Variants in PRKN observed in about 807,000 individuals in gnomAD.
PRKN encodes the protein parkin RBR E3 ubiquitin protein ligase.
PRKN carries 56 observed loss-of-function variants against 59.5 expected under a neutral mutation model. The ratio of observed to expected loss-of-function variants is 0.94; its 90% confidence interval spans 0.76 to 1.18. The LOEUF is 1.18. Among genes scored for constraint, PRKN ranks in the 50% most tolerant of loss-of-function variants. PRKN has a pLI of 0.00. For missense variants in PRKN, 657 were observed against 596.4 expected, an observed-to-expected ratio of 1.10 and a Z score of -1.06; for synonymous variants, 250 against 222.1, an observed-to-expected ratio of 1.13 and a Z score of -1.12.
chr6:161,565,628 T>C (rs1053663983), intron 8 of PRKN, among the ~76,000 whole-genome samples: 5 of 152,186 alleles, frequency 3.3e-5, no homozygotes, highest in Non-Finnish European at 7.3e-5. Flanking sequence ...CCTTCCGTCA[T>C]GATTGTAAGT....
chr6:162,204,335 A>T (rs1219451988), intron 3 of PRKN, among the ~76,000 whole-genome samples: 3 of 152,148 alleles, frequency 2.0e-5, no homozygotes, highest in African/African-American at 4.8e-5. Context: ...CCCTGACCAT[A>T]CCCCTTCTCA....
rs949987004 is a variant in PRKN, at chr6:161,527,333, G to A, written c.1083+21521C>T. Among the ~76,000 whole-genome samples the A allele has an allele frequency of 7.9e-5, 12 of 152,142 alleles. No individual in the cohort carries two copies. Among genetic ancestry groups the A allele is most frequent in the East Asian group, 1.9e-4 (1 of 5,186 alleles). The stretch of plus-strand genomic sequence containing the variant: ...GGGGTGAAGTGTCTTGAGCCCCAAC[G>A]GCATCAAGTATGAACTTGGAGCCAG... On this transcript the variant is annotated intron_variant, in intron 9 of 11. Transcript: ENST00000366898. The surrounding 1 kb of genome is among the most constrained non-coding windows in gnomAD (Gnocchi z 4.6).
At chr6:161,674,350 T>G (rs1019413462) in intron 7 of PRKN, among the ~76,000 whole-genome samples, 4 of 152,132 alleles carry the variant, frequency 2.6e-5, no homozygotes, top group African/African-American at 9.7e-5. Context: ...TAAATTGCTC[T>G]GTAAATTTTA....
At chr6:162,686,621 A>C (rs1418795638) in intron 1 of PRKN, among the ~76,000 whole-genome samples, 2 of 152,198 alleles carry the variant, frequency 1.3e-5, no homozygotes, top group Non-Finnish European at 2.9e-5. Flanking sequence ...TATATTTAAA[A>C]GGTAGCCTAG....
chr6:161,411,200 T>C (rs904291953), intron 9 of PRKN, among the ~76,000 whole-genome samples: 2 of 152,058 alleles, frequency 1.3e-5, no homozygotes, highest in African/African-American at 2.4e-5. Flanking sequence ...AAATCTCACA[T>C]TGAATTATAG....
chr6:162,654,372 AT>A (rs1456186149), intron 1 of PRKN, among the ~76,000 whole-genome samples: 2 of 152,200 alleles, frequency 1.3e-5, no homozygotes, highest in Non-Finnish European at 2.9e-5. Flanking sequence ...AGATTAAGTT[AT>A]TTGCATAAAA....
At chr6:162,247,152 C>G (rs2128094022) in intron 3 of PRKN, among the ~76,000 whole-genome samples, 1 of 152,230 alleles carries the variant, frequency 6.6e-6, no homozygotes, top group Admixed American at 6.5e-5. Flanking sequence ...GTTTGACACA[C>G]AGCTCTCCTA....
chr6:162,629,450 T>C (rs542380496), intron 1 of PRKN, among the ~76,000 whole-genome samples: 1 of 152,278 alleles, frequency 6.6e-6, no homozygotes, highest in Non-Finnish European at 1.5e-5. Flanking sequence ...ATTTTTGTTT[T>C]AACTATGTAC....
intron 2 of PRKN, among the ~76,000 whole-genome samples, chr6:162,324,469 C>T (rs1207754475): frequency 2.6e-5 from 4 of 151,914 alleles, no homozygotes; most frequent in Non-Finnish European, 5.9e-5. Context: ...AAAAGAAACC[C>T]AAATTAACCC....
intron 2 of PRKN, among the ~76,000 whole-genome samples, chr6:162,381,922 T>C (rs1786507623): frequency 6.6e-6 from 1 of 152,104 alleles, no homozygotes; most frequent in African/African-American, 2.4e-5. Context: ...AGTAGAATTG[T>C]TTTTCTTTTT....
intron 4 of PRKN, among the ~76,000 whole-genome samples, chr6:162,093,123 ATAGGGC>A (rs1396723442): frequency 6.6e-6 from 1 of 152,210 alleles, no homozygotes; most frequent in Non-Finnish European, 1.5e-5. Flanking sequence ...AGGCCTACAG[ATAGGGC>A]TATCACAGTA....
chr6:161,912,005 C>A (rs529392769), intron 6 of PRKN, among the ~76,000 whole-genome samples: 1 of 151,992 alleles, frequency 6.6e-6, no homozygotes, highest in East Asian at 1.9e-4. Flanking sequence ...TGGTGAAACA[C>A]CGTCTCTACT....
chr6:161,427,812 C>T (rs1053826413), intron 9 of PRKN, among the ~76,000 whole-genome samples: 19 of 152,144 alleles, frequency 1.2e-4, no homozygotes, highest in African/African-American at 4.1e-4. Flanking sequence ...ATGAATCCCA[C>T]GTTTCACTTG....
At chr6:161,706,805 G>A (rs924927024) in intron 7 of PRKN, among the ~76,000 whole-genome samples, 3 of 152,242 alleles carry the variant, frequency 2.0e-5, no homozygotes, top group Non-Finnish European at 2.9e-5. Flanking sequence ...TGATCTAACC[G>A]CCTCGGCCTC....
intron 1 of PRKN, among the ~76,000 whole-genome samples, chr6:162,588,947 T>C (rs927482884): frequency 6.6e-6 from 1 of 152,100 alleles, no homozygotes; most frequent in African/African-American, 2.4e-5. Context: ...GTTGCAGCTG[T>C]CATTACCGTC....
At chr6:162,174,888 GTCTAATATTTTGGATCATCTT>G (rs1413015511) in intron 4 of PRKN, among the ~76,000 whole-genome samples, 1 of 152,138 alleles carries the variant, frequency 6.6e-6, no homozygotes, top group Non-Finnish European at 1.5e-5. Context: ...ATAATTACTG[GTCTAATATTTTGGATCATCTT>G]AAATATAGAA....
At chr6:161,792,509 T>C (rs1474945395) in intron 6 of PRKN, among the ~76,000 whole-genome samples, 1 of 152,184 alleles carries the variant, frequency 6.6e-6, no homozygotes, top group Non-Finnish European at 1.5e-5. Flanking sequence ...ATTACATATG[T>C]ATGAAGAGCA....
chr6:162,483,743 G>A (rs1178100726), intron 1 of PRKN, among the ~76,000 whole-genome samples: 1 of 152,142 alleles, frequency 6.6e-6, no homozygotes, highest in Non-Finnish European at 1.5e-5. Context: ...AAAGGCACAA[G>A]CCCTCTGATC....
rs550820723 is a variant in PRKN, at chr6:161,376,971, G to C, written c.1167+9823C>G. ...AGTGGCCAAAGAGGAGCCTGTCACTGTTGGAAGAAAGTGCTGGAAGCTCTG... is the reference window on the plus strand; with the variant it reads ...AGTGGCCAAAGAGGAGCCTGTCACTCTTGGAAGAAAGTGCTGGAAGCTCTG... On this transcript the variant is annotated intron_variant, in intron 10 of 11. Transcript: ENST00000366898. The surrounding 1 kb of genome is among the most constrained non-coding windows in gnomAD (Gnocchi z 7.3). 6.1e-4 allele frequency among the ~76,000 whole-genome samples: 93 copies of C among 152,360 alleles called. No homozygotes were observed. The highest frequency in any genetic ancestry group is 2.2e-3 in the Admixed American group (34 of 15,312).
Sources: allele counts gnomAD v4.1 joint callset (sites outside exome capture counted in the v4.1 genomes callset), GRCh38; gene constraint gnomAD v4.1.1; non-coding constraint Gnocchi (gnomAD v3.1); transcripts MANE v1.5; gene names NCBI Gene and HGNC (gene_info 2026-07-23, HGNC 2026-07-21).